The following PPP4R3B variants were observed in gnomAD, a reference collection of about 807,000 sequenced individuals.
PPP4R3B encodes serine/threonine-protein phosphatase 4 regulatory subunit 3B.
Under a neutral mutation model 95.4 loss-of-function variants are expected in PPP4R3B, and 52 were observed. The ratio of observed to expected loss-of-function variants is 0.54; its 90% confidence interval spans 0.44 to 0.69. The LOEUF is 0.69. PPP4R3B is among the 30% of genes least tolerant of loss of function. The pLI is 0.00. For synonymous variants in PPP4R3B, 407 were observed against 343.9 expected, an observed-to-expected ratio of 1.18 and a Z score of -2.03; for missense variants, 1,003 against 1,005.9, an observed-to-expected ratio of 1.00 and a Z score of 0.04.
rs774739424 is a variant in PPP4R3B at position 55,604,125 on chromosome 2, C to T, written c.199-49G>A. 1.3e-5 allele frequency: 19 copies of T among 1,413,572 alleles called. No homozygotes were observed. The East Asian group carries it at 4.5e-4, about 33-fold the overall frequency. The allele number at this position is 1,413,572 out of a possible 1,614,324, so 87.6% of individuals were successfully genotyped here. The stretch of plus-strand genomic sequence containing the variant: ...TATCATCACACTAGAAAAGAGGTAT[C>T]TACAAAGTACAAATAGAAATCAAGA... On this transcript the variant is annotated intron_variant, in intron 2 of 16. Coordinates refer to ENST00000616407, the MANE Select transcript of PPP4R3B (RefSeq NM_001122964.3).
chr2:55,597,623 A>AAAACAAACAAACAAACAAAC (rs113216757), intron 4 of PPP4R3B, among the ~76,000 whole-genome samples: 1 of 148,888 alleles, frequency 6.7e-6, no homozygotes, highest in African/African-American at 2.5e-5. Flanking sequence ...CTCCGTCTCA[A>AAAACAAACAAACAAACAAAC]AAACAAACAA....
chr2:55,606,822 CAA>C (rs61086185), intron 2 of PPP4R3B, among the ~76,000 whole-genome samples: 55,916 of 106,806 alleles, frequency 0.52, 12,404 homozygotes, highest in East Asian at 0.8. Flanking sequence ...GACTTTGCCT[CAA>C]AAAAAAAAAA....
intron 16 of PPP4R3B, among the ~76,000 whole-genome samples, chr2:55,550,388 T>C (rs1168358537): frequency 6.6e-6 from 1 of 152,214 alleles, no homozygotes; most frequent in Non-Finnish European, 1.5e-5. Flanking sequence ...AGAAAGCCCC[T>C]TGTAGTCTTT....
At chr2:55,599,473 A>G (rs1029109577) in intron 3 of PPP4R3B, among the ~76,000 whole-genome samples, 4 of 152,080 alleles carry the variant, frequency 2.6e-5, no homozygotes, top group Non-Finnish European at 5.9e-5. Context: ...AAAATAAATA[A>G]ATAAAATAAA....
chr2:55,569,041 T>C (rs1167425560), intron 12 of PPP4R3B, among the ~76,000 whole-genome samples: 1 of 152,170 alleles, frequency 6.6e-6, no homozygotes, highest in East Asian at 1.9e-4. Flanking sequence ...ATGAATATCA[T>C]TAATCATTAG....
Position 55,547,887 on chromosome 2 carries a change from C to A in PPP4R3B, c.*2024G>T, listed in dbSNP as rs1205111457. On this transcript the variant is annotated 3_prime_UTR_variant, in exon 17 of 17. Coordinates refer to ENST00000616407, the MANE Select transcript of PPP4R3B (RefSeq NM_001122964.3). Reference sequence around the variant, plus strand: ...AAGCCGAAATCGTGCAACTACACTCCAGCCTGGGCAACAGAGCGAGACTCA... The same window carrying A: ...AAGCCGAAATCGTGCAACTACACTCAAGCCTGGGCAACAGAGCGAGACTCA... The A allele has an allele frequency of 6.6e-6, 1 of 152,212 alleles. No individual in the cohort carries two copies. Among genetic ancestry groups the A allele is most frequent in the East Asian group, 1.9e-4 (1 of 5,200 alleles). The allele number at this position is 152,212 out of a possible 1,614,324, so 9.4% of individuals were successfully genotyped here.
chr2:55,578,395 AGT>A, intron 9 of PPP4R3B, 53 bp from the exon 10 acceptor site: 2 of 1,258,496 alleles, frequency 1.6e-6, no homozygotes, highest in Non-Finnish European at 2.0e-6. Flanking sequence ...GGAGTATATG[AGT>A]GTCTGTTATA....
At chr2:55,602,487 G>A (rs1692757467) in intron 3 of PPP4R3B, among the ~76,000 whole-genome samples, 1 of 152,186 alleles carries the variant, frequency 6.6e-6, no homozygotes, top group Non-Finnish European at 1.5e-5. Context: ...TGCTAACAAT[G>A]TGCTATGTGG....
intron 15 of PPP4R3B, among the ~76,000 whole-genome samples, chr2:55,561,591 T>C (rs979034801): frequency 1.3e-5 from 2 of 152,258 alleles, no homozygotes; most frequent in Admixed American, 6.5e-5. Flanking sequence ...AAGCCAGCCA[T>C]GGCCCTGGGA....
chr2:55,552,522 T>A (rs1308751731), intron 16 of PPP4R3B, among the ~76,000 whole-genome samples: 1 of 152,182 alleles, frequency 6.6e-6, no homozygotes, highest in African/African-American at 2.4e-5. Context: ...GCCACCCAAG[T>A]AGCTTGGGCT....
intron 1 of PPP4R3B, among the ~76,000 whole-genome samples, chr2:55,616,924 C>G (rs1188784425): frequency 6.6e-6 from 1 of 152,104 alleles, no homozygotes. Flanking sequence ...AGGAAGGAGT[C>G]CAATCCTTAA....
intron 4 of PPP4R3B, among the ~76,000 whole-genome samples, chr2:55,589,515 T>C (rs1312497573): frequency 6.6e-6 from 1 of 152,180 alleles, no homozygotes; most frequent in East Asian, 1.9e-4. Flanking sequence ...TATAACTAAA[T>C]GACAAAGCAC....
At chr2:55,554,011 T>C (rs1272692933) in intron 16 of PPP4R3B, among the ~76,000 whole-genome samples, 1 of 152,212 alleles carries the variant, frequency 6.6e-6, no homozygotes, top group South Asian at 2.1e-4. Context: ...CTGGGTCATA[T>C]GGTACTCTGA....
chr2:55,589,154 T>C (rs1186692954), intron 4 of PPP4R3B, among the ~76,000 whole-genome samples, 198 bp from the exon 5 acceptor site: 1 of 147,800 alleles, frequency 6.8e-6, no homozygotes, highest in South Asian at 2.2e-4. Flanking sequence ...AATACATCAA[T>C]ATCTAGTTTA....
rs138229162 is a variant in PPP4R3B, at chr2:55,594,056, A to G, written c.921+4360T>C. 9.2e-5 allele frequency among the ~76,000 whole-genome samples: 14 copies of G among 152,328 alleles called. No individual in the cohort carries two copies. The East Asian group carries it at 2.1e-3, about 23-fold the overall frequency. On this transcript the variant is annotated intron_variant, in intron 4 of 16. Coordinates refer to ENST00000616407, the MANE Select transcript of PPP4R3B (RefSeq NM_001122964.3). The stretch of plus-strand genomic sequence containing the variant: ...GGAGGCCATTATCCTAAGTGAACTC[A>G]GAGGCAGAAAATCATATATCGCATG...
At chr2:55,587,379 T>C (rs1342965662) in intron 5 of PPP4R3B, among the ~76,000 whole-genome samples, 1 of 152,136 alleles carries the variant, frequency 6.6e-6, no homozygotes, top group Non-Finnish European at 1.5e-5. Context: ...AGTCCAGGAA[T>C]TTGAGACCAG....
chr2:55,613,222 A>G (rs989724957), intron 2 of PPP4R3B, among the ~76,000 whole-genome samples: 16 of 152,170 alleles, frequency 1.1e-4, no homozygotes, highest in Non-Finnish European at 1.9e-4. Flanking sequence ...TATGATTTCA[A>G]TTAGAAAAGT....
chr2:55,558,659 A>G, intron 16 of PPP4R3B, 116 bp downstream of exon 16: 1 of 746,204 alleles, frequency 1.3e-6, no homozygotes, highest in Non-Finnish European at 2.2e-6. Flanking sequence ...TTGGTAACAG[A>G]AAAATTCTAA....
intron 2 of PPP4R3B, among the ~76,000 whole-genome samples, chr2:55,610,917 G>A (rs565699376): frequency 6.6e-4 from 99 of 149,080 alleles, no homozygotes; most frequent in African/African-American, 2.4e-3. Flanking sequence ...CCAGGCTGGA[G>A]TGCGGTAGCA....
Sources: gnomAD v4.1 joint callset for allele counts (sites outside exome capture counted in the v4.1 genomes callset) on GRCh38, gnomAD v4.1.1 for gene constraint, MANE v1.5 for transcripts, NCBI Gene and HGNC (gene_info 2026-07-23, HGNC 2026-07-21) for gene names.